The following NTN1 variants were observed in gnomAD, a reference collection of about 807,000 sequenced individuals.
NTN1 encodes netrin 1, also known as netrin-1.
NTN1 carries 11 observed loss-of-function variants against 54.2 expected under a neutral mutation model. The observed-to-expected ratio is 0.20, with a 90% confidence interval of 0.13 to 0.34. The LOEUF (loss-of-function observed/expected upper bound fraction) is 0.34. Ranked by LOEUF, NTN1 falls within the 10% of genes least tolerant of loss-of-function variation. The pLI is 1.00. For missense variants in NTN1, 740 were observed against 893.1 expected (o/e 0.83, Z 2.18); for synonymous variants, 371 against 382.0 (o/e 0.97, Z 0.33).
chr17:9,237,465 G>A (rs959052894), intron 6 of NTN1, among the ~76,000 whole-genome samples: 14 of 152,204 alleles, frequency 9.2e-5, no homozygotes, highest in African/African-American at 2.9e-4. Flanking sequence ...GGGTTAAGGT[G>A]TAAGGTTTCA....
intron 2 of NTN1, among the ~76,000 whole-genome samples, chr17:9,032,140 G>C (rs1486728684): frequency 6.6e-6 from 1 of 152,142 alleles, no homozygotes; most frequent in African/African-American, 2.4e-5. Context: ...CTGAGTGTCC[G>C]GGGTGCAGGG....
intron 2 of NTN1, among the ~76,000 whole-genome samples, chr17:9,049,163 T>C (rs907994934): frequency 2.0e-5 from 3 of 152,010 alleles, no homozygotes; most frequent in Non-Finnish European, 4.4e-5. Flanking sequence ...ATGGTGAAAA[T>C]AGAAAATCAC....
chr17:9,064,928 T>C (rs1469655928), intron 2 of NTN1, among the ~76,000 whole-genome samples: 1 of 152,062 alleles, frequency 6.6e-6, no homozygotes, highest in African/African-American at 2.4e-5. Context: ...CCCATTCATT[T>C]TATTTTTATT....
At chr17:9,213,963 C>T (rs924055990) in intron 5 of NTN1, among the ~76,000 whole-genome samples, 11 of 151,302 alleles carry the variant, frequency 7.3e-5, no homozygotes, top group Admixed American at 2.0e-4. Context: ...CTTAAAGTTC[C>T]GTTTTCTTTC....
intron 5 of NTN1, among the ~76,000 whole-genome samples, chr17:9,195,717 G>A (rs934405375): frequency 2.6e-5 from 4 of 152,172 alleles, no homozygotes; most frequent in East Asian, 1.9e-4. Context: ...GGCCCTCAGC[G>A]TACAGACTCT....
chr17:9,184,369 A>G (rs1281793951), intron 5 of NTN1, among the ~76,000 whole-genome samples: 1 of 152,266 alleles, frequency 6.6e-6, no homozygotes, highest in African/African-American at 2.4e-5. Context: ...AGACTGGATG[A>G]CAGAGCTAAG....
intron 2 of NTN1, among the ~76,000 whole-genome samples, chr17:9,113,415 T>G (rs1386393899): frequency 6.6e-6 from 1 of 152,184 alleles, no homozygotes; most frequent in Non-Finnish European, 1.5e-5. Context: ...TCACAGGAAC[T>G]TAACCCTGTA....
At chr17:9,153,403 C>T (rs1597507937) in intron 2 of NTN1, among the ~76,000 whole-genome samples, 3 of 152,210 alleles carry the variant, frequency 2.0e-5, no homozygotes, top group South Asian at 4.1e-4. Flanking sequence ...GAGCTGAGAT[C>T]CTGCCACTGC....
Position 9,240,336 on chromosome 17 carries a change from G to C in NTN1, c.*368G>C, listed in dbSNP as rs1487552321. The C allele has an allele frequency of 1.3e-5, 2 of 152,602 alleles. No individual in the cohort carries two copies. Among genetic ancestry groups the C allele is most frequent in the Admixed American group, 6.5e-5 (1 of 15,286 alleles). 9.5% of individuals were successfully genotyped at this position (152,602 alleles called of 1,614,324 possible). A position where few individuals can be genotyped will look rare whatever the true frequency, so the allele number is the denominator to read the frequency against. ...CCTGCCCTGGGGCCCGGGGGCGGGC[G>C]CAGAATCGCACAACTGGGGCCCCAG... On this transcript the variant is annotated 3_prime_UTR_variant, in exon 7 of 7. Transcript: ENST00000173229.
intron 2 of NTN1, among the ~76,000 whole-genome samples, chr17:9,117,573 G>A (rs1382314947): frequency 3.3e-5 from 5 of 151,906 alleles, no homozygotes; most frequent in African/African-American, 4.8e-5. Context: ...GTGAAACCCC[G>A]TCTCTACTAA....
intron 6 of NTN1, among the ~76,000 whole-genome samples, chr17:9,224,153 C>G (rs1054215651): frequency 2.6e-5 from 4 of 152,178 alleles, no homozygotes; most frequent in African/African-American, 9.7e-5. Flanking sequence ...GTTTTCTTGT[C>G]CTCTGACTTT....
chr17:9,220,640 A>G (rs746217997), intron 5 of NTN1, among the ~76,000 whole-genome samples: 2 of 151,896 alleles, frequency 1.3e-5, no homozygotes, highest in Non-Finnish European at 2.9e-5. Context: ...GGGGCATTTT[A>G]TTTGCACACT....
chr17:9,193,767 A>G (rs547919332), intron 5 of NTN1, among the ~76,000 whole-genome samples: 4 of 151,644 alleles, frequency 2.6e-5, no homozygotes, highest in East Asian at 3.9e-4. Context: ...TAGTAAAAAT[A>G]CAAAATTAGC....
At chr17:9,094,809 T>C (rs1469557564) in intron 2 of NTN1, among the ~76,000 whole-genome samples, 2 of 151,954 alleles carry the variant, frequency 1.3e-5, no homozygotes, top group African/African-American at 2.4e-5. Context: ...GCCAACATGG[T>C]GAAACCCCGT....
chr17:9,225,525 T>C (rs1905505226), intron 6 of NTN1, among the ~76,000 whole-genome samples: 2 of 152,126 alleles, frequency 1.3e-5, no homozygotes, highest in South Asian at 4.1e-4. Context: ...AGGCCTCCAG[T>C]GGGCTCTGCT....
intron 2 of NTN1, among the ~76,000 whole-genome samples, chr17:9,070,531 C>A (rs992068546): frequency 6.6e-5 from 10 of 151,378 alleles, no homozygotes; most frequent in African/African-American, 2.5e-4. Context: ...GGACCTTAGT[C>A]TCCTGCCCTA....
chr17:9,237,837 G>T (rs59921591), intron 6 of NTN1, among the ~76,000 whole-genome samples: 2,704 of 152,268 alleles, frequency 0.018, 77 homozygotes, highest in African/African-American at 0.062. Context: ...ACTTCTCTGG[G>T]CTGGAGGGCT....
rs143263899 is a variant in NTN1 at position 9,221,235 on chromosome 17, G to C, written c.1479G>C (p.Lys493Asn). ...LKINMKKYCK[K>N]DYAVQIHILK... ...TTAACATGAAAAAGTACTGCAAGAA[G>C]GACTATGGTGAGTGAGAGTCCCCTT... The change falls in exon 6 of 7, where the codon AAG (lysine) becomes AAC (asparagine). Residue 493 changes from lysine (K) to asparagine (N), a missense_variant. Coordinates refer to ENST00000173229, the MANE Select transcript of NTN1 (RefSeq NM_004822.3). This position sits in a 1 kb window ranked among gnomAD's most constrained non-coding sequence, Gnocchi z 4.5. 26 of 1,609,024 alleles carry C rather than the reference G, an allele frequency of 1.6e-5. No homozygotes were observed. Among genetic ancestry groups the C allele is most frequent in the Non-Finnish European group, 2.1e-5 (25 of 1,178,244 alleles).
At chr17:9,044,098 T>C (rs1282050950) in intron 2 of NTN1, among the ~76,000 whole-genome samples, 1 of 152,184 alleles carries the variant, frequency 6.6e-6, no homozygotes, top group East Asian at 1.9e-4. Context: ...TCACTGTTTT[T>C]ACAATGACTG....
Sources: gnomAD v4.1 joint callset for allele counts (sites outside exome capture counted in the v4.1 genomes callset) on GRCh38, gnomAD v4.1.1 for gene constraint, Gnocchi (gnomAD v3.1) non-coding constraint, MANE v1.5 for transcripts, NCBI Gene and HGNC (gene_info 2026-07-23, HGNC 2026-07-21) for gene names.